Variants in NF1 observed in about 807,000 individuals in gnomAD.
The protein encoded by NF1 is neurofibromin 1, also known as neurofibromin.
In NF1, 122 loss-of-function variants were observed where a neutral mutation model predicts 325.7. The ratio of observed to expected loss-of-function variants is 0.37; its 90% confidence interval spans 0.32 to 0.44. The LOEUF is 0.44. Ranked by LOEUF, NF1 falls within the 20% of genes least tolerant of loss-of-function variation. The pLI is 1.00. For synonymous variants in NF1, 1,091 were observed against 1,186.0 expected (o/e 0.92, Z 1.65); for missense variants, 2,140 against 3,415.4 (o/e 0.63, Z 9.31).
chr17:31,125,543 AT>A lies in NF1; in HGVS notation c.60+30184del, dbSNP rs879826594. On this transcript the variant is annotated intron_variant, in intron 1 of 57. Coordinates refer to ENST00000358273, the MANE Select transcript of NF1 (RefSeq NM_001042492.3). ...TCTAATTTTTAAAAATTTTTAATTA[AT>A]TTTTTTTTTGAGATGGAGTTTCTCT... Among the ~76,000 whole-genome samples the A allele has an allele frequency of 4.2e-3, 627 of 149,394 alleles. 2 individuals are homozygous for A. Among genetic ancestry groups the A allele is most frequent in the Non-Finnish European group, 5.5e-3 (367 of 67,142 alleles).
At chr17:31,098,931 C>CAG (rs1912040279) in intron 1 of NF1, among the ~76,000 whole-genome samples, 1 of 43,970 alleles carries the variant, frequency 2.3e-5, no homozygotes, top group Non-Finnish European at 5.6e-5. Flanking sequence ...GACTCCATCT[C>CAG]AGAAAAAAAA....
chr17:31,260,135 T>C (rs1464288141), intron 33 of NF1, among the ~76,000 whole-genome samples: 1 of 152,192 alleles, frequency 6.6e-6, no homozygotes, highest in Non-Finnish European at 1.5e-5. Context: ...ATCTTAATTT[T>C]GTTGTTGTTT....
intron 1 of NF1, among the ~76,000 whole-genome samples, chr17:31,154,699 C>T (rs1004244521): frequency 1.2e-4 from 18 of 149,340 alleles, no homozygotes; most frequent in Non-Finnish European, 1.2e-4. Flanking sequence ...TCTAAAAATG[C>T]TGCCCCACCC....
chr17:31,313,857 A>C (rs1476475995), intron 36 of NF1: 2 of 391,540 alleles, frequency 5.1e-6, no homozygotes, highest in African/African-American at 4.1e-5. Context: ...CAACAAAACC[A>C]CAAAAACCTG....
intron 1 of NF1, among the ~76,000 whole-genome samples, chr17:31,116,746 C>T (rs1913951126): frequency 6.6e-6 from 1 of 151,972 alleles, no homozygotes; most frequent in South Asian, 2.1e-4. Flanking sequence ...CCGCTCACTG[C>T]AAGCTCCGCA....
chr17:31,271,370 A>AT (rs35574405), intron 36 of NF1, among the ~76,000 whole-genome samples: 81,476 of 151,722 alleles, frequency 0.54, 25,298 homozygotes, highest in Middle Eastern at 0.75. Context: ...CTATTAACAC[A>AT]TTCATGAAAT....
At position 31,145,503 on chromosome 17, in the gene NF1, A is replaced by AT. The variant is rs200075484; in HGVS notation, c.61-10473dup. The stretch of plus-strand genomic sequence containing the variant: ...CACTAATCCCATGGCTGGTCTTCCC[A>AT]TTTTTTTACTTCATTTAGGTCTCTG... On this transcript the variant is annotated intron_variant, in intron 1 of 57. Coordinates refer to ENST00000358273, the MANE Select transcript of NF1 (RefSeq NM_001042492.3). 4.7e-3 allele frequency among the ~76,000 whole-genome samples: 720 copies of AT among 152,004 alleles called. 7 individuals are homozygous for AT. The highest frequency in any genetic ancestry group is 0.017 in the African/African-American group (686 of 41,452).
At position 31,190,327 on chromosome 17, in the gene NF1, T is replaced by C. The variant is rs546083277; in HGVS notation, c.888+7662T>C. 4.5e-3 allele frequency among the ~76,000 whole-genome samples: 678 copies of C among 152,266 alleles called. 6 individuals are homozygous for C. Among genetic ancestry groups the C allele is most frequent in the African/African-American group, 0.016 (647 of 41,558 alleles). Reference sequence around the variant, plus strand: ...TCTACTCACATTCCTTCTGAGCTGGTTAGTGTTATTGGCTGGTATGTATCC... The same window carrying C: ...TCTACTCACATTCCTTCTGAGCTGGCTAGTGTTATTGGCTGGTATGTATCC... On this transcript the variant is annotated intron_variant, in intron 8 of 57. Coordinates refer to ENST00000358273, the MANE Select transcript of NF1 (RefSeq NM_001042492.3).
At chr17:31,322,075 G>C (rs1024107765) in intron 36 of NF1, among the ~76,000 whole-genome samples, 1 of 134,212 alleles carries the variant, frequency 7.5e-6, no homozygotes, top group Non-Finnish European at 1.6e-5. Context: ...AAATGCTTTC[G>C]TGTGGTGTAG....
At chr17:31,104,137 T>C (rs1346157664) in intron 1 of NF1, among the ~76,000 whole-genome samples, 1 of 152,126 alleles carries the variant, frequency 6.6e-6, no homozygotes, top group Non-Finnish European at 1.5e-5. Flanking sequence ...TATAATACAG[T>C]AGTAAGAATG....
intron 48 of NF1, among the ~76,000 whole-genome samples, chr17:31,346,832 T>C (rs1335857721): frequency 6.7e-6 from 1 of 150,180 alleles, no homozygotes; most frequent in African/African-American, 2.4e-5. Context: ...TTTTTTTTTT[T>C]TTTTTTTTAC....
chr17:31,313,719 A>T (rs866235417), intron 36 of NF1, among the ~76,000 whole-genome samples: 4 of 103,308 alleles, frequency 3.9e-5, no homozygotes, highest in East Asian at 4.7e-4. Flanking sequence ...AAAAAAAAAA[A>T]ATATGTGTGT....
At chr17:31,182,728 G>A (rs1377946229) in intron 8 of NF1, 63 bp downstream of exon 8, 3 of 1,460,866 alleles carry the variant, frequency 2.1e-6, no homozygotes, top group Admixed American at 1.8e-5. Context: ...TACTCAAGGT[G>A]TGTATTACTT....
rs1060503900 is a variant in NF1, at chr17:31,159,081, A to G, written c.276A>G (p.Lys92=). The G allele has an allele frequency of 5.0e-6, 8 of 1,608,314 alleles. No individual in the cohort carries two copies. The highest frequency in any genetic ancestry group is 6.0e-6 in the Non-Finnish European group (7 of 1,174,966). ...TGATTATATTGGATACACTGGAAAA[A>G]TGTCTTGCTGGGGTAAGTAAATTGA... The part of the protein sequence containing the change: ...SQLIILDTLE[K]CLAGQPKDTM... Residue 92 remains lysine (K), a synonymous_variant, in exon 3 of 58, where the codon AAA becomes AAG. Transcript: ENST00000358273.
chr17:31,155,321 T>C (rs2065639562), intron 1 of NF1, among the ~76,000 whole-genome samples: 1 of 151,900 alleles, frequency 6.6e-6, no homozygotes, highest in Admixed American at 6.5e-5. Context: ...CAGAGAAATG[T>C]AAATGTGGTC....
Position 31,374,345 on chromosome 17 carries a change from T to A in NF1, c.*190T>A. 1.4e-6 allele frequency: 1 copy of A among 704,170 alleles called. No homozygotes were observed. The highest frequency in any genetic ancestry group is 2.4e-6 in the Non-Finnish European group (1 of 418,388). 43.6% of individuals were successfully genotyped at this position (704,170 alleles called of 1,614,324 possible). A position where few individuals can be genotyped will look rare whatever the true frequency, so the allele number is the denominator to read the frequency against. On this transcript the variant is annotated 3_prime_UTR_variant, in exon 58 of 58. Coordinates refer to ENST00000358273, the MANE Select transcript of NF1 (RefSeq NM_001042492.3). ...TGCCTAAATTTAATGCTGCCTTTTCTTTAACTTTTTTTCTTCTACTTTTGG... is the reference window on the plus strand; with the variant it reads ...TGCCTAAATTTAATGCTGCCTTTTCATTAACTTTTTTTCTTCTACTTTTGG...
At position 31,357,072 on chromosome 17, in the gene NF1, G is replaced by T. The variant is rs751273275; in HGVS notation, c.7851G>T (p.Ala2617=). 1.8e-5 allele frequency: 29 copies of T among 1,613,422 alleles called. No homozygotes were observed. In the East Asian group the frequency reaches 6.0e-4, roughly 33 times the overall value. Residue 2617 remains alanine, a synonymous_variant, in exon 53 of 58, where the codon GCG becomes GCT. Coordinates refer to ENST00000358273, the MANE Select transcript of NF1 (RefSeq NM_001042492.3). ...TACTTACTGATCCGAAGATCCAGGC[G>T]CTGCTTCTTACTGTTCTAGTAAGGA... The part of the protein sequence containing the change: ...EEVLTDPKIQ[A]LLLTVLATLV...
chr17:31,199,943 T>C (rs753237087), intron 8 of NF1, among the ~76,000 whole-genome samples: 1 of 152,054 alleles, frequency 6.6e-6, no homozygotes, highest in African/African-American at 2.4e-5. Context: ...CAAGACCAGC[T>C]TGGCCAACAT....
At chr17:31,275,427 T>C (rs1309568266) in intron 36 of NF1, among the ~76,000 whole-genome samples, 1 of 152,196 alleles carries the variant, frequency 6.6e-6, no homozygotes, top group African/African-American at 2.4e-5. Flanking sequence ...CAATAAGATA[T>C]TTTGAGAGAG....
Sources: allele counts gnomAD v4.1 joint callset (sites outside exome capture counted in the v4.1 genomes callset), GRCh38; gene constraint gnomAD v4.1.1; transcripts MANE v1.5; gene names NCBI Gene and HGNC (gene_info 2026-07-23, HGNC 2026-07-21).